Variants in AFDN observed in about 807,000 individuals in gnomAD.
The protein encoded by AFDN is afadin, adherens junction formation factor, also known as afadin.
A neutral mutation model predicts 216.6 loss-of-function variants in AFDN; 68 were observed. That is an observed-to-expected ratio of 0.31 (90% CI 0.26 to 0.38). AFDN has a LOEUF of 0.38. Among genes scored for constraint, AFDN ranks in the 10% least tolerant of loss-of-function variants. The pLI, the probability that AFDN is intolerant of heterozygous loss-of-function variation, is 1.00. For missense variants in AFDN, 2,136 were observed against 2,342.0 expected (o/e 0.91, Z 1.82); for synonymous variants, 868 against 853.7 (o/e 1.02, Z -0.29).
At chr6:167,949,180 CTGTT>C (rs1256309931) in intron 29 of AFDN, among the ~76,000 whole-genome samples, 1 of 152,166 alleles carries the variant, frequency 6.6e-6, no homozygotes. Context: ...AGAGAGATAA[CTGTT>C]TGTATGGTGA....
chr6:167,883,317 T>G (rs1392609054), intron 6 of AFDN, among the ~76,000 whole-genome samples: 1 of 152,220 alleles, frequency 6.6e-6, no homozygotes, highest in Non-Finnish European at 1.5e-5. Flanking sequence ...AGTTGTGACA[T>G]CTAAAATAAA....
In AFDN at chr6:167,962,784, T is replaced by G. The variant is rs1475819550; in HGVS notation, c.4968+217T>G. On this transcript the variant is annotated intron_variant, in intron 31 of 33. Transcript: ENST00000683244. This position sits in a 1 kb window ranked among gnomAD's most constrained non-coding sequence, Gnocchi z 5.2. ...TCTCCAGATCCCCTTATCTGCCAAG[T>G]TTTGTCTCCTTCAAACTTCTGAACT... 3 of 1,387,384 alleles carry G rather than the reference T, an allele frequency of 2.2e-6. No individual in the cohort carries two copies. Among genetic ancestry groups the G allele is most frequent in the Non-Finnish European group, 2.8e-6 (3 of 1,071,140 alleles). The allele number at this position is 1,387,384 out of a possible 1,614,324, so 85.9% of individuals were successfully genotyped here.
At chr6:167,833,958 C>T (rs1437416243) in intron 1 of AFDN, among the ~76,000 whole-genome samples, 2 of 152,100 alleles carry the variant, frequency 1.3e-5, no homozygotes, top group African/African-American at 4.8e-5. Flanking sequence ...GATGCTCATA[C>T]AGTATACCAT....
At chr6:167,913,302 G>A (rs550686284) in intron 15 of AFDN, 101 bp from the exon 16 acceptor site, 28 of 1,122,946 alleles carry the variant, frequency 2.5e-5, no homozygotes, top group South Asian at 1.5e-4. Flanking sequence ...CCTTCATGTC[G>A]TACCTTCATA....
chr6:167,947,819 T>C (rs1795499217), intron 27 of AFDN, 34 bp from the exon 28 acceptor site: 4 of 1,379,456 alleles, frequency 2.9e-6, no homozygotes, highest in Non-Finnish European at 4.0e-6. Context: ...TTATTTAATA[T>C]TACACTTTTT....
chr6:167,969,014 T>G, intron 32 of AFDN, 100 bp from the exon 33 acceptor site: 2 of 913,600 alleles, frequency 2.2e-6, no homozygotes, highest in Admixed American at 3.8e-5. Context: ...ACTTACTCAG[T>G]AAAGGTATTT....
At position 167,907,336 on chromosome 6, in the gene AFDN, C is replaced by G. The variant is rs780654788; in HGVS notation, c.1769+47C>G. Reference sequence around the variant, plus strand: ...AATGGTGAAAGTACTGAAAGTATTCCTAAAAAAGGGTTGGGATAAAGATTG... The same window carrying G: ...AATGGTGAAAGTACTGAAAGTATTCGTAAAAAAGGGTTGGGATAAAGATTG... On this transcript the variant is annotated intron_variant, in intron 13 of 33. Coordinates refer to ENST00000683244, the MANE Select transcript of AFDN (RefSeq NM_001386888.1). 2.8e-6 allele frequency: 4 copies of G among 1,420,436 alleles called. No individual in the cohort carries two copies. The Admixed American group carries it at 6.9e-5, about 24-fold the overall frequency. 88.0% of individuals were successfully genotyped at this position (1,420,436 alleles called of 1,614,324 possible).
rs1276144616 is a variant in AFDN, at chr6:167,971,954, TG to T, written c.*2020del. The T allele has an allele frequency of 1.0e-5, 2 of 198,528 alleles. No homozygotes were observed. The highest frequency in any genetic ancestry group is 4.6e-5 in the African/African-American group (2 of 43,342). 12.3% of individuals were successfully genotyped at this position (198,528 alleles called of 1,614,324 possible). On this transcript the variant is annotated 3_prime_UTR_variant, in exon 34 of 34. Transcript: ENST00000683244. The stretch of plus-strand genomic sequence containing the variant: ...TGAAAGTGCTGACAAAGTTTATATT[TG>T]TAACATCAGCCTTCCTCGCCCATCT...
chr6:167,867,863 A>G (rs1435073517), intron 2 of AFDN, among the ~76,000 whole-genome samples: 1 of 152,192 alleles, frequency 6.6e-6, no homozygotes, highest in Non-Finnish European at 1.5e-5. Flanking sequence ...CATTGTTGTC[A>G]TCATTATGGT....
chr6:167,835,281 T>C (rs567431321), intron 1 of AFDN, among the ~76,000 whole-genome samples: 1 of 152,256 alleles, frequency 6.6e-6, no homozygotes, highest in Admixed American at 6.5e-5. Context: ...ATCACTGTCA[T>C]AGGCAGCACT....
At chr6:167,860,159 CTTTTTTTTTTTTTT>C (rs370176215) in intron 1 of AFDN, among the ~76,000 whole-genome samples, 7 of 79,404 alleles carry the variant, frequency 8.8e-5, no homozygotes, top group African/African-American at 1.4e-4. Flanking sequence ...TACAGCAATG[CTTTTTTTTTTTTTT>C]TTTTTTTTTT....
At chr6:167,964,442 G>A (rs984153664) in intron 31 of AFDN, 1 of 1,065,260 alleles carries the variant, frequency 9.4e-7, no homozygotes, top group African/African-American at 1.6e-5. Flanking sequence ...CTCACTCCAA[G>A]GGAACACTTA....
At chr6:167,947,743 G>T (rs1379467746) in intron 27 of AFDN, 110 bp from the exon 28 acceptor site, 3 of 631,984 alleles carry the variant, frequency 4.7e-6, no homozygotes, top group Non-Finnish European at 8.2e-6. Flanking sequence ...CTCTGTGCTG[G>T]ATACTCACTA....
intron 1 of AFDN, among the ~76,000 whole-genome samples, chr6:167,841,615 C>T (rs1447195535): frequency 1.3e-5 from 2 of 152,180 alleles, no homozygotes; most frequent in African/African-American, 2.4e-5. Context: ...AATTTAATTT[C>T]TACTCTCTGG....
At chr6:167,963,608 T>A (rs965996270) in intron 31 of AFDN, 4 of 1,058,346 alleles carry the variant, frequency 3.8e-6, no homozygotes, top group Non-Finnish European at 3.4e-6. Context: ...GAGTGAATAA[T>A]GTAAGGACAC....
At chr6:167,889,415 C>A in intron 7 of AFDN, 89 bp downstream of exon 7, 2 of 900,688 alleles carry the variant, frequency 2.2e-6, no homozygotes, top group Non-Finnish European at 3.5e-6. Flanking sequence ...GAGATGTGTA[C>A]GTTAATGTTT....
chr6:167,904,992 A>G (rs1289338958), intron 12 of AFDN, among the ~76,000 whole-genome samples: 1 of 152,086 alleles, frequency 6.6e-6, no homozygotes, highest in African/African-American at 2.4e-5. Flanking sequence ...TTGCTCACTC[A>G]GGCCACACGA....
chr6:167,908,289 G>A (rs573676471), intron 13 of AFDN, among the ~76,000 whole-genome samples: 1 of 152,198 alleles, frequency 6.6e-6, no homozygotes, highest in African/African-American at 2.4e-5. Context: ...GATATTGCAG[G>A]ATTTTAATAT....
At chr6:167,926,377 C>CA (rs1792530847) in intron 23 of AFDN, among the ~76,000 whole-genome samples, 1 of 152,228 alleles carries the variant, frequency 6.6e-6, no homozygotes, top group Non-Finnish European at 1.5e-5. Flanking sequence ...AGTGGTCTAA[C>CA]AAGTACACAG....
Sources: gnomAD v4.1 joint callset for allele counts (sites outside exome capture counted in the v4.1 genomes callset) on GRCh38, gnomAD v4.1.1 for gene constraint, Gnocchi (gnomAD v3.1) non-coding constraint, MANE v1.5 for transcripts, NCBI Gene and HGNC (gene_info 2026-07-23, HGNC 2026-07-21) for gene names.